The following ZNF385A variants were observed in gnomAD, a reference collection of about 807,000 sequenced individuals.
The protein encoded by ZNF385A is hematopoietic zinc finger protein.
A neutral mutation model predicts 32.1 loss-of-function variants in ZNF385A; 14 were observed. The observed-to-expected ratio is 0.44, with a 90% CI of 0.29 to 0.68. ZNF385A has a LOEUF of 0.68. Ranked by LOEUF, ZNF385A falls within the 30% of genes least tolerant of loss-of-function variation. ZNF385A has a pLI of 0.14. For missense variants in ZNF385A, 406 were observed against 478.4 expected, an observed-to-expected ratio of 0.85 and a Z score of 1.41; for synonymous variants, 197 against 202.7, an observed-to-expected ratio of 0.97 and a Z score of 0.24.
At chr12:54,379,288 G>A in intron 1 of ZNF385A, 1 of 701,350 alleles carries the variant, frequency 1.4e-6, no homozygotes. Context: ...CAGGGACAGG[G>A]ACAGGGACAG....
exon 1 of ZNF385A, chr12:54,391,261 C>T (rs1405632593): frequency 8.7e-6 from 12 of 1,383,098 alleles, no homozygotes; most frequent in Admixed American, 3.0e-5. Flanking sequence ...GACCCAGGCG[C>T]CCGGGGTTCC....
In ZNF385A at chr12:54,375,926, G is replaced by A; in HGVS notation, c.116C>T (p.Ser39Phe). 6.2e-7 allele frequency: 1 copy of A among 1,614,178 alleles called. No homozygotes were observed. The highest frequency in any genetic ancestry group is 8.5e-7 in the Non-Finnish European group (1 of 1,180,046). ...GAGCAAGGGTCCCCCAAAAGTGTGG[G>A]AGAGCACAGCCTTCTGCACAGGGTC... ...TMDPVQKAVL[S>F]HTFGGPLLKT... is the part of the protein sequence containing the mutation. Residue 39 changes from serine to phenylalanine, a missense_variant, in exon 2 of 7, where the codon TCC (serine) becomes TTC (phenylalanine). Coordinates refer to ENST00000394313, the MANE Select transcript of ZNF385A (RefSeq NM_015481.3).
chr12:54,372,567 T>C (rs964386448), intron 3 of ZNF385A, among the ~76,000 whole-genome samples: 15 of 152,270 alleles, frequency 9.9e-5, no homozygotes, highest in African/African-American at 3.4e-4. Context: ...CAGGTATAGT[T>C]ATCCTGCCTA....
rs549498582 is a variant in ZNF385A at position 54,380,755 on chromosome 12, A to G, written c.87+3673T>C. The stretch of plus-strand genomic sequence containing the variant: ...TTTAAATAAAAACAATAGCAATAGC[A>G]TAATAATCATAGCAGCTAACACTGA... On this transcript the variant is annotated intron_variant, in intron 1 of 6. Coordinates refer to ENST00000394313, the MANE Select transcript of ZNF385A (RefSeq NM_015481.3). Among the ~76,000 whole-genome samples, 407 of 152,342 alleles carry G rather than the reference A, an allele frequency of 2.7e-3. 1 individual carries two copies. Among genetic ancestry groups the G allele is most frequent in the Non-Finnish European group, 4.8e-3 (327 of 68,032 alleles).
At chr12:54,378,064 C>T (rs796199244) in intron 1 of ZNF385A, among the ~76,000 whole-genome samples, 8 of 152,186 alleles carry the variant, frequency 5.3e-5, no homozygotes, top group African/African-American at 9.7e-5. Context: ...TTTTGCACAA[C>T]CCCCTCCCCT....
chr12:54,379,431 C>T lies in ZNF385A; in HGVS notation c.88-3477G>A, dbSNP rs73316365. Among the ~76,000 whole-genome samples, 532 of 152,138 alleles carry T rather than the reference C, an allele frequency of 3.5e-3. 7 individuals carry two copies. Among genetic ancestry groups the T allele is most frequent in the African/African-American group, 0.012 (517 of 41,486 alleles). On this transcript the variant is annotated intron_variant, in intron 1 of 6. Transcript: ENST00000394313. ...CGCGGCAGGGGCATTGACCAGATGA[C>T]CTCGTTGCCTCCACTGGGGCTCCTT...
chr12:54,374,539 G>A (rs1035871398), intron 2 of ZNF385A, among the ~76,000 whole-genome samples: 1 of 152,128 alleles, frequency 6.6e-6, no homozygotes, highest in Non-Finnish European at 1.5e-5. Context: ...TCTGCCCCTA[G>A]GATCCAGCCT....
chr12:54,374,223 T>A, intron 2 of ZNF385A, 88 bp from the exon 3 acceptor site: 1 of 1,296,948 alleles, frequency 7.7e-7, no homozygotes, highest in South Asian at 2.2e-5. Context: ...CCTGGGGTGA[T>A]CTCAGCAGGC....
At chr12:54,372,303 C>T (rs1337561973) in intron 3 of ZNF385A, among the ~76,000 whole-genome samples, 2 of 152,186 alleles carry the variant, frequency 1.3e-5, no homozygotes, top group African/African-American at 4.8e-5. Context: ...GGCCTCTGTA[C>T]AGGGGAAACT....
intron 1 of ZNF385A, among the ~76,000 whole-genome samples, chr12:54,390,046 GA>G (rs1955594835): frequency 6.6e-6 from 1 of 152,114 alleles, no homozygotes; most frequent in Non-Finnish European, 1.5e-5. Context: ...AAGAAGGTAA[GA>G]AAGGAAGACA....
chr12:54,370,279 G>C lies in ZNF385A; in HGVS notation c.1078C>G (p.Pro360Ala). 6.8e-7 allele frequency: 1 copy of C among 1,472,352 alleles called. No homozygotes were observed. Among genetic ancestry groups the C allele is most frequent in the Non-Finnish European group, 9.0e-7 (1 of 1,110,896 alleles). The allele number at this position is 1,472,352 out of a possible 1,614,324, so 91.2% of individuals were successfully genotyped here. A position where few individuals can be genotyped will look rare whatever the true frequency, so the allele number is the denominator to read the frequency against. ...APGPIRTAHG[P>A]ILFSPY is the part of the protein sequence containing the mutation. ...GGTCAGTACGGGGAGAAGAGGATGG[G>C]TCCGTGCGCAGTTCGGATGGGTCCG... The change falls in exon 7 of 7, where the codon CCC (proline) becomes GCC (alanine). Residue 360 changes from proline (P) to alanine (A), a missense_variant. Transcript: ENST00000394313. The surrounding 1 kb of genome is among the most constrained non-coding windows in gnomAD (Gnocchi z 5.5).
chr12:54,379,506 C>T (rs1005357495), intron 1 of ZNF385A, among the ~76,000 whole-genome samples: 2 of 152,042 alleles, frequency 1.3e-5, no homozygotes, highest in African/African-American at 4.8e-5. Context: ...TTCTTTCACC[C>T]CTTTTGCCCC....
At chr12:54,376,103 C>G in intron 1 of ZNF385A, 149 bp from the exon 2 acceptor site, 1 of 644,194 alleles carries the variant, frequency 1.6e-6, no homozygotes, top group Non-Finnish European at 2.8e-6. Flanking sequence ...TCTTCTGATT[C>G]TCTCTTAGCC....
chr12:54,374,338 A>C (rs1014476636), intron 2 of ZNF385A, among the ~76,000 whole-genome samples: 5 of 151,986 alleles, frequency 3.3e-5, no homozygotes, highest in Admixed American at 3.3e-4. Context: ...GTCCCTGGGA[A>C]CCTAGGTCCC....
chr12:54,386,437 GAA>G (rs1955486782), upstream of ZNF385A, among the ~76,000 whole-genome samples: 1 of 152,144 alleles, frequency 6.6e-6, no homozygotes, highest in Non-Finnish European at 1.5e-5. Context: ...GAGACAGCGA[GAA>G]AGATAAAAGA....
intron 3 of ZNF385A, 60 bp from the exon 4 acceptor site, chr12:54,371,775 T>C (rs1954567168): frequency 6.3e-7 from 1 of 1,593,554 alleles, no homozygotes; most frequent in Admixed American, 1.9e-5. Flanking sequence ...AGACTCTTCA[T>C]GTGGAAGAGA....
chr12:54,374,949 C>T (rs947959491), intron 2 of ZNF385A, among the ~76,000 whole-genome samples: 1 of 152,080 alleles, frequency 6.6e-6, no homozygotes, highest in Admixed American at 6.5e-5. Flanking sequence ...TAAGAATGTA[C>T]CATCCTGGAG....
upstream of ZNF385A, among the ~76,000 whole-genome samples, chr12:54,388,563 TTGGTTGGAAGACTGG>T (rs1185432859): frequency 6.6e-6 from 1 of 152,156 alleles, no homozygotes; most frequent in Non-Finnish European, 1.5e-5. Context: ...TGGGTTAGTG[TTGGTTGGAAGACTGG>T]GCCAGAATGG....
In ZNF385A at chr12:54,369,325, G is replaced by T. The variant is rs1954396469; in HGVS notation, c.*931C>A. The stretch of plus-strand genomic sequence containing the variant: ...TACGGAAACCACGGAGTCGGGGGTG[G>T]GGGAGAGGTGTCACACCCCCGCCCG... On this transcript the variant is annotated 3_prime_UTR_variant, in exon 7 of 7. Coordinates refer to ENST00000394313, the MANE Select transcript of ZNF385A (RefSeq NM_015481.3). 6.6e-6 allele frequency: 1 copy of T among 152,292 alleles called. No individual in the cohort carries two copies. Among genetic ancestry groups the T allele is most frequent in the East Asian group, 1.9e-4 (1 of 5,140 alleles). The allele number at this position is 152,292 out of a possible 1,614,324, so 9.4% of individuals were successfully genotyped here.
Sources: gnomAD v4.1 joint callset for allele counts (sites outside exome capture counted in the v4.1 genomes callset) on GRCh38, gnomAD v4.1.1 for gene constraint, Gnocchi (gnomAD v3.1) non-coding constraint, MANE v1.5 for transcripts, NCBI Gene and HGNC (gene_info 2026-07-23, HGNC 2026-07-21) for gene names.